Variants in ASAP2 observed in about 807,000 individuals in gnomAD.
The protein encoded by ASAP2 is arf-GAP with SH3 domain, ANK repeat and PH domain-containing protein 2.
ASAP2 carries 45 observed loss-of-function variants against 131.4 expected under a neutral mutation model. The observed-to-expected ratio is 0.34, with a 90% CI of 0.27 to 0.44. The LOEUF is 0.44. Ranked by LOEUF, ASAP2 falls within the 20% of genes least tolerant of loss-of-function variation. The probability of loss-of-function intolerance (pLI) is 1.00; values close to 1 mark genes in which losing one functional copy is unlikely to be tolerated. For missense variants in ASAP2, 1,011 were observed against 1,297.0 expected, an observed-to-expected ratio of 0.78 and a Z score of 3.39; for synonymous variants, 510 against 503.0, an observed-to-expected ratio of 1.01 and a Z score of -0.19.
intron 16 of ASAP2, 71 bp from the exon 17 acceptor site, chr2:9,374,684 T>G (rs1674250206): frequency 6.9e-7 from 1 of 1,443,918 alleles, no homozygotes; most frequent in Non-Finnish European, 9.4e-7. Flanking sequence ...TAACATGGCC[T>G]TAGACAAAGG....
chr2:9,389,228 C>T lies in ASAP2; in HGVS notation c.2383+682C>T, dbSNP rs1001716937. Among the ~76,000 whole-genome samples the T allele has an allele frequency of 7.2e-5, 11 of 152,328 alleles. No homozygotes were observed. The highest frequency in any genetic ancestry group is 1.9e-4 in the African/African-American group (8 of 41,570). On this transcript the variant is annotated intron_variant, in intron 22 of 27. Transcript: ENST00000281419. The surrounding 1 kb of genome is among the most constrained non-coding windows in gnomAD (Gnocchi z 4.7). ...CTACGGTGCTTCTTGAAGGCAGGTC[C>T]GGCGAGTGACCCACTCAGCTCTGGG...
chr2:9,350,729 C>T (rs1353737959), intron 11 of ASAP2, 79 bp from the exon 12 acceptor site: 16 of 1,223,658 alleles, frequency 1.3e-5, no homozygotes, highest in East Asian at 2.4e-5. Context: ...TGCTGTATCT[C>T]GTGAGGATTG....
chr2:9,302,169 C>CTT (rs57906310), intron 3 of ASAP2, among the ~76,000 whole-genome samples: 2,399 of 82,928 alleles, frequency 0.029, 175 homozygotes, highest in African/African-American at 0.067. Flanking sequence ...AGTTAGAAGC[C>CTT]TTTTTTTTTT....
rs996361245 is a variant in ASAP2, at chr2:9,249,231, G to A, written c.127-30086G>A. Among the ~76,000 whole-genome samples the A allele has an allele frequency of 1.1e-4, 16 of 152,290 alleles. No homozygotes were observed. In the East Asian group the frequency reaches 2.3e-3, roughly 22 times the overall value. ...CCTCATGTCTTGTTCTTCCTGCTGC[G>A]AGCTTTAGCCTCAAACTCCACCTTG... On this transcript the variant is annotated intron_variant, in intron 1 of 27. Coordinates refer to ENST00000281419, the MANE Select transcript of ASAP2 (RefSeq NM_003887.3).
chr2:9,265,688 AT>A (rs1472261457), intron 1 of ASAP2, among the ~76,000 whole-genome samples: 3 of 151,852 alleles, frequency 2.0e-5, no homozygotes, highest in Admixed American at 6.6e-5. Context: ...TTTTATAAGT[AT>A]TTTTTTCTTT....
intron 1 of ASAP2, among the ~76,000 whole-genome samples, chr2:9,210,235 C>G (rs1225668505): frequency 6.6e-6 from 1 of 152,196 alleles, no homozygotes; most frequent in Admixed American, 6.5e-5. Context: ...TCAGATTGAC[C>G]TGGGTTCAAG....
chr2:9,249,872 T>C (rs1402177610), intron 1 of ASAP2, among the ~76,000 whole-genome samples: 3 of 152,208 alleles, frequency 2.0e-5, no homozygotes, highest in African/African-American at 7.2e-5. Flanking sequence ...TTCCAGATTT[T>C]TGTTTTGGGC....
intron 2 of ASAP2, among the ~76,000 whole-genome samples, chr2:9,288,515 C>T (rs993332341): frequency 5.3e-5 from 8 of 151,970 alleles, no homozygotes; most frequent in African/African-American, 1.2e-4. Context: ...CTGTGGTGAG[C>T]GTGGGGTCAT....
intron 1 of ASAP2, among the ~76,000 whole-genome samples, chr2:9,250,911 G>T (rs1474793388): frequency 6.6e-6 from 1 of 152,214 alleles, no homozygotes; most frequent in Non-Finnish European, 1.5e-5. Flanking sequence ...TGCTCCCGGG[G>T]AACTTAAAAC....
At chr2:9,272,334 C>A (rs1174784122) in intron 1 of ASAP2, among the ~76,000 whole-genome samples, 4 of 152,124 alleles carry the variant, frequency 2.6e-5, no homozygotes, top group Admixed American at 2.6e-4. Context: ...TTTTGTATGC[C>A]TGTTTGCCAT....
At chr2:9,398,183 G>A (rs201593883) in intron 24 of ASAP2, among the ~76,000 whole-genome samples, 221 of 152,012 alleles carry the variant, frequency 1.5e-3, no homozygotes, top group African/African-American at 5.1e-3. Context: ...CACCACAGTG[G>A]CAGAGTTGAA....
chr2:9,237,414 CTT>C (rs35375516), intron 1 of ASAP2, among the ~76,000 whole-genome samples: 21 of 131,914 alleles, frequency 1.6e-4, no homozygotes, highest in Admixed American at 2.3e-4. Flanking sequence ...GTCTTTTGGT[CTT>C]TTTTTTTTTT....
intron 15 of ASAP2, among the ~76,000 whole-genome samples, chr2:9,365,530 A>G (rs1182235303): frequency 6.6e-6 from 1 of 152,132 alleles, no homozygotes; most frequent in African/African-American, 2.4e-5. Context: ...TAAAACCTAA[A>G]GCTTCATTTT....
At chr2:9,338,397 C>T (rs1030873308) in intron 9 of ASAP2, among the ~76,000 whole-genome samples, 3 of 152,070 alleles carry the variant, frequency 2.0e-5, no homozygotes, top group African/African-American at 7.2e-5. Flanking sequence ...AGCATCCTGT[C>T]TAGTAGGATG....
At chr2:9,228,107 T>A (rs1169849027) in intron 1 of ASAP2, among the ~76,000 whole-genome samples, 1 of 152,214 alleles carries the variant, frequency 6.6e-6, no homozygotes, top group Non-Finnish European at 1.5e-5. Flanking sequence ...TCTTTTAATA[T>A]GAGGTTTTAA....
chr2:9,364,645 AAC>A (rs1280642801), intron 15 of ASAP2, among the ~76,000 whole-genome samples: 3 of 152,274 alleles, frequency 2.0e-5, no homozygotes, highest in Admixed American at 6.5e-5. Flanking sequence ...AAAGCGGGTC[AAC>A]ACACAGTCTG....
intron 1 of ASAP2, 52 bp from the exon 2 acceptor site, chr2:9,279,265 A>T (rs1447678221): frequency 3.2e-6 from 5 of 1,555,242 alleles, no homozygotes; most frequent in Non-Finnish European, 4.4e-6. Flanking sequence ...GCTCGCTGCT[A>T]GCGTGGTCTC....
intron 22 of ASAP2, 108 bp from the exon 23 acceptor site, chr2:9,390,954 G>A (rs549903191): frequency 2.1e-5 from 33 of 1,553,120 alleles, no homozygotes; most frequent in South Asian, 1.1e-4. Flanking sequence ...CATACTGACC[G>A]TTTCATAAGG....
At position 9,306,119 on chromosome 2, in the gene ASAP2, T is replaced by C. The variant is rs1305267326; in HGVS notation, c.345+8674T>C. Among the ~76,000 whole-genome samples the C allele has an allele frequency of 1.2e-4, 5 of 41,178 alleles. No homozygotes were observed. The East Asian group carries it at 3.4e-3, about 28-fold the overall frequency. The allele number at this position is 41,178 out of a possible 152,430, so 27.0% of individuals were successfully genotyped here. A position where few individuals can be genotyped will look rare whatever the true frequency, so the allele number is the denominator to read the frequency against. On this transcript the variant is annotated intron_variant, in intron 3 of 27. Coordinates refer to ENST00000281419, the MANE Select transcript of ASAP2 (RefSeq NM_003887.3). Reference sequence around the variant, plus strand: ...TAGGGGCTGTGAGGGGTGTATATATTGGTGGAGGGGCTGGCGTAGTGGGGG... The same window carrying C: ...TAGGGGCTGTGAGGGGTGTATATATCGGTGGAGGGGCTGGCGTAGTGGGGG...
Sources: allele counts gnomAD v4.1 joint callset (sites outside exome capture counted in the v4.1 genomes callset), GRCh38; gene constraint gnomAD v4.1.1; non-coding constraint Gnocchi (gnomAD v3.1); transcripts MANE v1.5; gene names NCBI Gene and HGNC (gene_info 2026-07-23, HGNC 2026-07-21).